The following SMC2 variants were observed in gnomAD, a reference collection of about 807,000 sequenced individuals.
SMC2 encodes structural maintenance of chromosomes protein 2.
Under a neutral mutation model 142.6 loss-of-function variants are expected in SMC2, and 41 were observed. The observed-to-expected ratio is 0.29, with a 90% CI of 0.22 to 0.37. SMC2 has a LOEUF of 0.37. Among genes scored for constraint, SMC2 ranks in the 10% least tolerant of loss-of-function variants. The probability of loss-of-function intolerance (pLI) is 1.00; values close to 1 mark genes in which losing one functional copy is unlikely to be tolerated. For synonymous variants in SMC2, 463 were observed against 457.5 expected, an observed-to-expected ratio of 1.01 and a Z score of -0.15; for missense variants, 1,265 against 1,373.7, an observed-to-expected ratio of 0.92 and a Z score of 1.25.
In SMC2 at chr9:104,111,627, C is replaced by T; in HGVS notation, c.1067C>T (p.Thr356Ile). ...AAGGAAAAAGAGGTTAAAAAGATAA[C>T]AGATGGACTGCATGCCCTTCAAGAA... ...AAKEKEVKKI[T>I]DGLHALQEAS... The change falls in exon 10 of 25, where the codon ACA becomes ATA. Residue 356 changes from threonine (T) to isoleucine (I), a missense_variant. By Grantham distance (89) the Thr-to-Ile change is moderately conservative. This residue lies in a region of SMC2 where 898 missense variants were observed against 904.2 expected (regional missense o/e 0.99). Transcript: ENST00000374793. 1 of 1,614,026 alleles carries T rather than the reference C, an allele frequency of 6.2e-7. No individual in the cohort carries two copies. The highest frequency in any genetic ancestry group is 8.5e-7 in the Non-Finnish European group (1 of 1,179,924).
chr9:104,097,048 T>C (rs1005280357), intron 3 of SMC2, among the ~76,000 whole-genome samples: 12 of 151,778 alleles, frequency 7.9e-5, no homozygotes, highest in African/African-American at 2.9e-4. Context: ...ATATTAGATT[T>C]ACTTGAAACC....
chr9:104,100,249 G>C lies in SMC2; in HGVS notation c.591+46G>C, dbSNP rs79849076. 0.017 allele frequency: 24,134 copies of C among 1,444,476 alleles called. 1,223 individuals carry two copies. The African/African-American group carries it at 0.18, about 11-fold the overall frequency. 89.5% of individuals were successfully genotyped at this position (1,444,476 alleles called of 1,614,324 possible). A position where few individuals can be genotyped will look rare whatever the true frequency, so the allele number is the denominator to read the frequency against. ...TATTTTCGGAGAAGAATGTAATTTTGCATGTAGAGTTTTTGCTGTAAAGAG... is the reference window on the plus strand; with the variant it reads ...TATTTTCGGAGAAGAATGTAATTTTCCATGTAGAGTTTTTGCTGTAAAGAG... On this transcript the variant is annotated intron_variant, in intron 6 of 24. Transcript: ENST00000374793.
At chr9:104,138,239 G>C (rs1835762293) in intron 24 of SMC2, 74 bp downstream of exon 24, 1 of 1,212,530 alleles carries the variant, frequency 8.2e-7, no homozygotes, top group Admixed American at 2.2e-5. Flanking sequence ...TTAGTTAGTA[G>C]TCAATGTTAA....
intron 13 of SMC2, among the ~76,000 whole-genome samples, chr9:104,115,956 G>A (rs376986390): frequency 3.3e-5 from 5 of 151,898 alleles, no homozygotes; most frequent in African/African-American, 1.2e-4. Context: ...AGGTCATACA[G>A]TTTTTTATTT....
Position 104,125,022 on chromosome 9 carries a change from G to T in SMC2, c.2368G>T (p.Glu790Ter). Residue 790 changes from glutamate (E) to a stop codon, truncating the protein, a stop_gained, in exon 18 of 25, where the codon GAA (glutamate) becomes TAA (stop). Transcript: ENST00000374793. LOFTEE classifies it high-confidence loss of function. ...MKNAEAERER[E>*]LKDAQKKLDC... ...AAATGCAGAAGCTGAAAGAGAGCGAGAACTGAAAGATGCTCAGAAAAAACT... is the reference window on the plus strand; with the variant it reads ...AAATGCAGAAGCTGAAAGAGAGCGATAACTGAAAGATGCTCAGAAAAAACT... The T allele has an allele frequency of 1.2e-6, 2 of 1,607,134 alleles. No individual in the cohort carries two copies. The highest frequency in any genetic ancestry group is 1.1e-5 in the South Asian group (1 of 89,262).
At chr9:104,120,006 G>A (rs772361714) in intron 15 of SMC2, 21 bp from the exon 16 acceptor site, 3 of 1,612,932 alleles carry the variant, frequency 1.9e-6, no homozygotes, top group South Asian at 2.2e-5. Flanking sequence ...TGGAAGACCT[G>A]TTTCAATTTG....
chr9:104,096,309 T>G lies in SMC2; in HGVS notation c.318+12T>G. 1 of 1,613,194 alleles carries G rather than the reference T, an allele frequency of 6.2e-7. No individual in the cohort carries two copies. The highest frequency in any genetic ancestry group is 8.5e-7 in the Non-Finnish European group (1 of 1,179,400). On this transcript the variant is annotated intron_variant, in intron 3 of 24. Coordinates refer to ENST00000374793, the MANE Select transcript of SMC2 (RefSeq NM_006444.3). ...CAGTAACAAGGCAGGTGAGTGGCAA[T>G]TAAACCTTTGGGTATCTTAAGACCT...
At chr9:104,122,724 A>G (rs1254916865) in intron 16 of SMC2, among the ~76,000 whole-genome samples, 1 of 152,076 alleles carries the variant, frequency 6.6e-6, no homozygotes, top group Admixed American at 6.5e-5. Flanking sequence ...AGGTTAATAA[A>G]TAGATAACTA....
chr9:104,105,294 C>G (rs945092784), intron 9 of SMC2, among the ~76,000 whole-genome samples: 1 of 152,088 alleles, frequency 6.6e-6, no homozygotes, highest in African/African-American at 2.4e-5. Flanking sequence ...GTAACGGCAT[C>G]CCCCAGCATG....
At chr9:104,130,206 A>G (rs1157978525) in intron 21 of SMC2, among the ~76,000 whole-genome samples, 1 of 152,198 alleles carries the variant, frequency 6.6e-6, no homozygotes, top group Non-Finnish European at 1.5e-5. Context: ...AGTAATGACT[A>G]AAGCCATTAT....
chr9:104,112,124 G>A (rs181778645), intron 10 of SMC2, among the ~76,000 whole-genome samples: 1 of 152,220 alleles, frequency 6.6e-6, no homozygotes, highest in Non-Finnish European at 1.5e-5. Flanking sequence ...ATTTATTCTT[G>A]TCTCTTTTTG....
chr9:104,100,395 G>A lies in SMC2; in HGVS notation c.598G>A (p.Glu200Lys). 6.6e-7 allele frequency: 1 copy of A among 1,520,172 alleles called. No individual in the cohort carries two copies. The highest frequency in any genetic ancestry group is 1.1e-5 in the South Asian group (1 of 87,218). The allele number at this position is 1,520,172 out of a possible 1,614,324, so 94.2% of individuals were successfully genotyped here. Reference sequence around the variant, plus strand: ...ATTTTTCTTTATTTTCCAGATACTTGAAGAAGAGATTACTCCAACCATTCA... The same window carrying A: ...ATTTTTCTTTATTTTCCAGATACTTAAAGAAGAGATTACTCCAACCATTCA... The part of the protein sequence containing the change: ...AKLKEIKTIL[E>K]EEITPTIQKL... Residue 200 changes from glutamate (E) to lysine (K), a missense_variant, in exon 7 of 25, where the codon GAA becomes AAA. Glu to Lys is a moderately conservative substitution (Grantham distance 56). Transcript: ENST00000374793.
chr9:104,134,288 AGTTT>A (rs1835297206), intron 22 of SMC2, 123 bp from the exon 23 acceptor site: 1 of 573,074 alleles, frequency 1.7e-6, no homozygotes, highest in South Asian at 3.4e-5. Flanking sequence ...CATGGGCCAT[AGTTT>A]GTCAGCCCCT....
chr9:104,131,187 A>C (rs531583393), intron 21 of SMC2, among the ~76,000 whole-genome samples: 1 of 152,228 alleles, frequency 6.6e-6, no homozygotes, highest in East Asian at 1.9e-4. Context: ...GCTTGAAGGA[A>C]GACTACTCTA....
upstream of SMC2, chr9:104,092,226 A>G (rs779424412): frequency 2.0e-5 from 3 of 152,172 alleles, no homozygotes; most frequent in African/African-American, 4.8e-5. Context: ...CACCTTTATA[A>G]GCATTTTTCA....
chr9:104,136,096 A>G (rs963334808), intron 23 of SMC2: 8 of 316,066 alleles, frequency 2.5e-5, no homozygotes, highest in South Asian at 1.1e-4. Context: ...CCAATAGCCA[A>G]TTAATTAAAA....
chr9:104,105,798 C>T (rs1237727736), intron 9 of SMC2, among the ~76,000 whole-genome samples: 1 of 152,172 alleles, frequency 6.6e-6, no homozygotes, highest in Non-Finnish European at 1.5e-5. Context: ...CAGATTGTCC[C>T]TGTGGGCTAT....
chr9:104,129,522 G>A (rs1342194980), intron 20 of SMC2, 123 bp from the exon 21 acceptor site: 3 of 754,324 alleles, frequency 4.0e-6, no homozygotes, highest in Non-Finnish European at 6.5e-6. Flanking sequence ...AAAAAAATTA[G>A]TCATTGAAGG....
chr9:104,101,325 T>C (rs754266918), intron 7 of SMC2, among the ~76,000 whole-genome samples: 15 of 152,212 alleles, frequency 9.9e-5, no homozygotes, highest in Non-Finnish European at 2.1e-4. Flanking sequence ...TGAATCCATA[T>C]AGTAGTATAA....
Sources: allele counts gnomAD v4.1 joint callset (sites outside exome capture counted in the v4.1 genomes callset), GRCh38; gene constraint gnomAD v4.1.1; regional missense constraint gnomAD v4.1.1; transcripts MANE v1.5; gene names NCBI Gene and HGNC (gene_info 2026-07-23, HGNC 2026-07-21).